GPR39: variants seen among roughly 807,000 people sequenced by gnomAD.
The protein encoded by GPR39 is zinc sensing receptor.
GPR39 carries 23 observed loss-of-function variants against 18.4 expected under a neutral mutation model. That is an observed-to-expected ratio of 1.25 (90% CI 0.90 to 1.77). The LOEUF is 1.77. Among genes scored for constraint, GPR39 ranks in the 40% most tolerant of loss-of-function variants. The probability of loss-of-function intolerance (pLI) is 0.00; values close to 1 mark genes in which losing one functional copy is unlikely to be tolerated. For synonymous variants in GPR39, 280 were observed against 257.9 expected (o/e 1.09, Z -0.82); for missense variants, 647 against 602.4 (o/e 1.07, Z -0.78).
intron 1 of GPR39, among the ~76,000 whole-genome samples, chr2:132,420,545 C>T (rs1185006646): frequency 2.6e-5 from 4 of 152,138 alleles, no homozygotes; most frequent in African/African-American, 9.7e-5. Flanking sequence ...TATTTCATTT[C>T]ACAGATGGGT....
chr2:132,511,744 T>C (rs369861465), intron 1 of GPR39, among the ~76,000 whole-genome samples: 2 of 152,222 alleles, frequency 1.3e-5, no homozygotes, highest in East Asian at 3.8e-4. Context: ...CAGGCATTAT[T>C]GATTAAGCAT....
chr2:132,451,147 CTGTGTGTGTG>C (rs34508615), intron 1 of GPR39, among the ~76,000 whole-genome samples: 1 of 105,984 alleles, frequency 9.4e-6, no homozygotes, highest in African/African-American at 2.8e-5. Context: ...ATCTTTGAGG[CTGTGTGTGTG>C]TGTGTGTGTG....
intron 1 of GPR39, among the ~76,000 whole-genome samples, chr2:132,439,127 C>A (rs1680387055): frequency 6.6e-6 from 1 of 152,122 alleles, no homozygotes; most frequent in Non-Finnish European, 1.5e-5. Flanking sequence ...TCTTCATGCT[C>A]CACCTGGCCA....
chr2:132,596,944 A>G (rs1275901064), intron 1 of GPR39, among the ~76,000 whole-genome samples: 1 of 152,170 alleles, frequency 6.6e-6, no homozygotes, highest in Non-Finnish European at 1.5e-5. Context: ...TGCTGTGGCT[A>G]TCTCTAGGTG....
chr2:132,623,149 G>C (rs1011228019), intron 1 of GPR39, among the ~76,000 whole-genome samples: 1 of 152,112 alleles, frequency 6.6e-6, no homozygotes, highest in African/African-American at 2.4e-5. Flanking sequence ...AGATTTTATG[G>C]TTTGTAAGGC....
intron 1 of GPR39, among the ~76,000 whole-genome samples, chr2:132,449,446 C>T (rs4511770): frequency 0.47 from 71,733 of 151,878 alleles, 19,616 homozygotes; most frequent in Non-Finnish European, 0.62. Flanking sequence ...AGGGTTTCAC[C>T]GTGTTGTGGT....
intron 1 of GPR39, among the ~76,000 whole-genome samples, chr2:132,580,444 CAT>C (rs1235139368): frequency 3.3e-5 from 5 of 152,232 alleles, no homozygotes; most frequent in African/African-American, 4.8e-5. Context: ...TTTATCAACA[CAT>C]GTTTCTGTTC....
rs182763407 is a variant in GPR39 at position 132,535,796 on chromosome 2, G to A, written c.857-109305G>A. Among the ~76,000 whole-genome samples the A allele has an allele frequency of 2.5e-3, 374 of 150,426 alleles. 1 individual carries two copies. The highest frequency in any genetic ancestry group is 3.8e-3 in the Non-Finnish European group (255 of 67,786). On this transcript the variant is annotated intron_variant, in intron 1 of 1. Transcript: ENST00000329321. ...ACTTATTCCTGGTTTAGTCTTGGGA[G>A]GATTTATGTGTCCAGGAATTTATCC... is the stretch of plus-strand genomic sequence containing the variant.
chr2:132,614,415 C>CTCTTGATCTCTTGACCTCGTGA, intron 1 of GPR39, among the ~76,000 whole-genome samples: 1 of 151,764 alleles, frequency 6.6e-6, no homozygotes, highest in Non-Finnish European at 1.5e-5. Flanking sequence ...CCATGTTGCT[C>CTCTTGATCTCTTGACCTCGTGA]TCTTGATCTC....
At chr2:132,456,278 A>G (rs1680726357) in intron 1 of GPR39, among the ~76,000 whole-genome samples, 2 of 145,768 alleles carry the variant, frequency 1.4e-5, no homozygotes, top group Non-Finnish European at 3.0e-5. Flanking sequence ...AGTCTGTTTT[A>G]TCAGAGATTA....
chr2:132,429,984 T>C (rs1344222429), intron 1 of GPR39, among the ~76,000 whole-genome samples: 1 of 152,224 alleles, frequency 6.6e-6, no homozygotes, highest in African/African-American at 2.4e-5. Flanking sequence ...GCTAATGGAT[T>C]CAGACTATGT....
intron 1 of GPR39, among the ~76,000 whole-genome samples, chr2:132,486,380 G>A (rs1487775413): frequency 1.3e-5 from 2 of 152,216 alleles, no homozygotes; most frequent in Admixed American, 1.3e-4. Context: ...CAAGTCCTTT[G>A]AAGCTTTAAA....
chr2:132,536,128 T>A (rs1225447367), intron 1 of GPR39, among the ~76,000 whole-genome samples: 1 of 152,154 alleles, frequency 6.6e-6, no homozygotes, highest in Non-Finnish European at 1.5e-5. Context: ...TGGATTATTT[T>A]GCTCTGCTTC....
chr2:132,432,229 G>C (rs1680236448), intron 1 of GPR39, among the ~76,000 whole-genome samples: 1 of 152,164 alleles, frequency 6.6e-6, no homozygotes, highest in East Asian at 1.9e-4. Context: ...TTTGGTGTCT[G>C]GTGATGGCCT....
chr2:132,539,251 C>G (rs1279775625), intron 1 of GPR39, among the ~76,000 whole-genome samples: 1 of 152,082 alleles, frequency 6.6e-6, no homozygotes, highest in Non-Finnish European at 1.5e-5. Context: ...GTATAGTACC[C>G]GGGTAGGTGG....
intron 1 of GPR39, among the ~76,000 whole-genome samples, chr2:132,458,121 C>T (rs1680765569): frequency 6.6e-6 from 1 of 152,150 alleles, no homozygotes; most frequent in South Asian, 2.1e-4. Flanking sequence ...CTTCAGCTCA[C>T]CCTCTGTGGG....
chr2:132,456,341 C>T (rs1174503764), intron 1 of GPR39, among the ~76,000 whole-genome samples: 2 of 150,262 alleles, frequency 1.3e-5, no homozygotes, highest in African/African-American at 2.5e-5. Flanking sequence ...GTAGATCTTC[C>T]TCCATCCCTT....
intron 1 of GPR39, among the ~76,000 whole-genome samples, chr2:132,634,095 A>G (rs1208500767): frequency 4.0e-5 from 6 of 151,386 alleles, no homozygotes; most frequent in African/African-American, 1.5e-4. Flanking sequence ...GTTCGTGGTG[A>G]TGGAGGGTGA....
chr2:132,479,317 C>A (rs564616422), intron 1 of GPR39, among the ~76,000 whole-genome samples: 1 of 152,258 alleles, frequency 6.6e-6, no homozygotes, highest in East Asian at 1.9e-4. Flanking sequence ...AGAGCAAGCA[C>A]CAAGTGCTGA....
Sources: gnomAD v4.1 joint callset for allele counts (sites outside exome capture counted in the v4.1 genomes callset) on GRCh38, gnomAD v4.1.1 for gene constraint, MANE v1.5 for transcripts, NCBI Gene and HGNC (gene_info 2026-07-23, HGNC 2026-07-21) for gene names.